GRIK3: variants seen among roughly 807,000 people sequenced by gnomAD.
The protein encoded by GRIK3 is glutamate receptor ionotropic, kainate 3.
Under a neutral mutation model 102.5 loss-of-function variants are expected in GRIK3, and 29 were observed. The ratio of observed to expected loss-of-function variants is 0.28; its 90% CI spans 0.21 to 0.39. GRIK3 has a LOEUF of 0.39. Among genes scored for constraint, GRIK3 ranks in the 10% least tolerant of loss-of-function variants. The pLI, the probability that GRIK3 is intolerant of heterozygous loss-of-function variation, is 1.00. For missense variants in GRIK3, 908 were observed against 1,252.4 expected (o/e 0.73, Z 4.15); for synonymous variants, 511 against 504.9 (o/e 1.01, Z -0.16).
intron 8 of GRIK3, among the ~76,000 whole-genome samples, chr1:36,853,337 C>G (rs957902059): frequency 2.0e-5 from 3 of 152,168 alleles, no homozygotes; most frequent in Non-Finnish European, 4.4e-5. Flanking sequence ...GTTATGCTTC[C>G]GAGGTTAGGC....
chr1:36,994,695 G>C (rs1642399515), intron 1 of GRIK3, among the ~76,000 whole-genome samples: 1 of 152,130 alleles, frequency 6.6e-6, no homozygotes, highest in Non-Finnish European at 1.5e-5. Flanking sequence ...CTCTATTGTA[G>C]AGCCTTTATT....
At chr1:36,905,228 A>G (rs539224020) in intron 1 of GRIK3, among the ~76,000 whole-genome samples, 21 of 152,336 alleles carry the variant, frequency 1.4e-4, no homozygotes, top group South Asian at 8.3e-4. Flanking sequence ...ACTAGAGGAC[A>G]TAAAAGAAGT....
intron 12 of GRIK3, among the ~76,000 whole-genome samples, chr1:36,817,812 T>A (rs1642647777): frequency 6.6e-6 from 1 of 152,118 alleles, no homozygotes; most frequent in African/African-American, 2.4e-5. Context: ...CAGCCTCACA[T>A]AAATACTGTG....
At chr1:36,854,971 C>CTGT (rs1289588611) in intron 7 of GRIK3, among the ~76,000 whole-genome samples, 1 of 152,210 alleles carries the variant, frequency 6.6e-6, no homozygotes, top group Non-Finnish European at 1.5e-5. Flanking sequence ...CGGTCTGGAC[C>CTGT]TGTTTCCCTC....
chr1:36,949,152 A>G (rs1373484012), intron 1 of GRIK3, among the ~76,000 whole-genome samples: 7 of 152,258 alleles, frequency 4.6e-5, no homozygotes, highest in African/African-American at 1.7e-4. Context: ...CTGGCTCCAC[A>G]AGAAAGCAAG....
chr1:36,882,001 C>T (rs745767099), intron 2 of GRIK3, among the ~76,000 whole-genome samples: 40 of 114,316 alleles, frequency 3.5e-4, no homozygotes, highest in Admixed American at 2.8e-3. Context: ...AGACTCCCTC[C>T]CCCTCCTCCT....
chr1:36,937,213 T>C (rs1570808824), intron 1 of GRIK3, among the ~76,000 whole-genome samples: 1 of 152,086 alleles, frequency 6.6e-6, no homozygotes, highest in African/African-American at 2.4e-5. Flanking sequence ...TAAACTGAAG[T>C]CCTATCCTTG....
chr1:36,907,442 G>A (rs1384367409), intron 1 of GRIK3, among the ~76,000 whole-genome samples: 1 of 152,162 alleles, frequency 6.6e-6, no homozygotes, highest in Admixed American at 6.5e-5. Context: ...TTTAAGTTGA[G>A]CCTCCCTTCC....
At chr1:36,845,235 A>G (rs1476069386) in intron 9 of GRIK3, among the ~76,000 whole-genome samples, 1 of 152,152 alleles carries the variant, frequency 6.6e-6, no homozygotes, top group Non-Finnish European at 1.5e-5. Flanking sequence ...CAGACAGCCA[A>G]TTCACAAGCT....
intron 13 of GRIK3, among the ~76,000 whole-genome samples, chr1:36,808,107 G>A (rs141403553): frequency 2.6e-5 from 4 of 152,132 alleles, no homozygotes; most frequent in Admixed American, 6.5e-5. Flanking sequence ...TGTGCCCCAC[G>A]CAATATTCTT....
chr1:36,949,708 G>A lies in GRIK3; in HGVS notation c.116-58612C>T, dbSNP rs562850172. 1.2e-4 allele frequency among the ~76,000 whole-genome samples: 18 copies of A among 151,222 alleles called. No homozygotes were observed. The East Asian group carries it at 3.1e-3, about 26-fold the overall frequency. On this transcript the variant is annotated intron_variant, in intron 1 of 15. Coordinates refer to ENST00000373091, the MANE Select transcript of GRIK3 (RefSeq NM_000831.4). Reference sequence around the variant, plus strand: ...TCCTGTCTCAGCCTTCTGAGTAGCTGGGATTACAGGTGTGTGCCACCATGT... The same window carrying A: ...TCCTGTCTCAGCCTTCTGAGTAGCTAGGATTACAGGTGTGTGCCACCATGT...
intron 1 of GRIK3, among the ~76,000 whole-genome samples, chr1:36,966,778 C>T (rs1430107356): frequency 6.6e-6 from 1 of 152,042 alleles, no homozygotes; most frequent in Non-Finnish European, 1.5e-5. Context: ...CCCCCAACCC[C>T]TTGGCATTCT....
At chr1:36,810,920 G>C (rs558210211) in intron 13 of GRIK3, among the ~76,000 whole-genome samples, 2 of 152,176 alleles carry the variant, frequency 1.3e-5, no homozygotes, top group African/African-American at 2.4e-5. Context: ...GCTTGCTTGT[G>C]GGGGGCTACA....
chr1:36,921,028 T>C (rs751546161), intron 1 of GRIK3, among the ~76,000 whole-genome samples: 5 of 152,124 alleles, frequency 3.3e-5, no homozygotes, highest in Non-Finnish European at 7.4e-5. Flanking sequence ...CAAGTGCCCA[T>C]CTGGAGGTGG....
chr1:37,027,625 CTT>C (rs1642777206), intron 1 of GRIK3, among the ~76,000 whole-genome samples: 1 of 152,224 alleles, frequency 6.6e-6, no homozygotes, highest in Admixed American at 6.5e-5. Context: ...CATGTAAGCT[CTT>C]TTGAAAAGAC....
intron 1 of GRIK3, among the ~76,000 whole-genome samples, chr1:37,031,571 G>A (rs1286754783): frequency 5.3e-5 from 8 of 152,240 alleles, no homozygotes; most frequent in Admixed American, 1.3e-4. Flanking sequence ...GGTGCTCGGC[G>A]ATGCCTGGCT....
chr1:36,891,699 G>A (rs1198862915), intron 1 of GRIK3, among the ~76,000 whole-genome samples: 2 of 152,152 alleles, frequency 1.3e-5, no homozygotes, highest in African/African-American at 4.8e-5. Flanking sequence ...TAAGAGGCAT[G>A]GGGGAGGATT....
chr1:36,820,317 TG>T (rs1357495530), intron 11 of GRIK3, among the ~76,000 whole-genome samples: 2 of 152,156 alleles, frequency 1.3e-5, no homozygotes, highest in Non-Finnish European at 2.9e-5. Context: ...GATGTGCTGG[TG>T]GGGAAAGATC....
At chr1:37,033,928 G>T in intron 1 of GRIK3, 66 bp downstream of exon 1, 1 of 874,924 alleles carries the variant, frequency 1.1e-6, no homozygotes, top group Non-Finnish European at 1.8e-6. Context: ...GGAACGCGTT[G>T]GGAGGCCCCC....
Sources: allele counts gnomAD v4.1 joint callset (sites outside exome capture counted in the v4.1 genomes callset), GRCh38; gene constraint gnomAD v4.1.1; transcripts MANE v1.5; gene names NCBI Gene and HGNC (gene_info 2026-07-23, HGNC 2026-07-21).